Variants in ZBTB7B observed in about 807,000 individuals in gnomAD.
ZBTB7B encodes zinc finger and BTB domain containing 7B, also known as zinc finger and BTB domain-containing protein 7B.
ZBTB7B carries 8 observed loss-of-function variants against 31.0 expected under a neutral mutation model. The observed-to-expected ratio is 0.26, with a 90% CI of 0.15 to 0.47. ZBTB7B has a LOEUF of 0.47. Ranked by LOEUF, ZBTB7B falls within the 20% of genes least tolerant of loss-of-function variation. The pLI, the probability that ZBTB7B is intolerant of heterozygous loss-of-function variation, is 0.99. For missense variants in ZBTB7B, 494 were observed against 742.4 expected, an observed-to-expected ratio of 0.67 and a Z score of 3.89; for synonymous variants, 261 against 307.3, an observed-to-expected ratio of 0.85 and a Z score of 1.58.
Position 155,015,424 on chromosome 1 carries a change from G to A in ZBTB7B, c.764G>A (p.Ser255Asn). The A allele has an allele frequency of 6.4e-7, 1 of 1,572,738 alleles. No individual in the cohort carries two copies. Among genetic ancestry groups the A allele is most frequent in the Non-Finnish European group, 8.6e-7 (1 of 1,157,568 alleles). Residue 255 changes from serine to asparagine, a missense_variant, in exon 2 of 3, where the codon AGC (serine) becomes AAC (asparagine). Ser to Asn is a conservative substitution (Grantham distance 46). This residue lies in a region of ZBTB7B where 216 missense variants were observed against 229.3 expected (regional missense o/e 0.94). Transcript: ENST00000535420. ...GGCAGTGGGCCGGGGGACAGCTACA[G>A]CCCTCCCACAGGAACTGCCTCCCCT... ...SGGSGPGDSY[S>N]PPTGTASPPE...
upstream of ZBTB7B, among the ~76,000 whole-genome samples, chr1:155,002,158 C>T (rs148671961): frequency 5.3e-4 from 81 of 152,204 alleles, no homozygotes; most frequent in African/African-American, 1.9e-3. Context: ...TCGGCTCCGC[C>T]CCCTCCCTGG....
intron 1 of ZBTB7B, among the ~76,000 whole-genome samples, chr1:155,011,754 G>T (rs1425042360): frequency 6.6e-6 from 1 of 152,244 alleles, no homozygotes; most frequent in African/African-American, 2.4e-5. Context: ...GGCGTCAGGG[G>T]ACTGGGCCCT....
At chr1:155,010,023 G>A (rs1014562222) in intron 1 of ZBTB7B, among the ~76,000 whole-genome samples, 7 of 152,106 alleles carry the variant, frequency 4.6e-5, no homozygotes, top group Non-Finnish European at 8.8e-5. Context: ...AGGGTCGGAG[G>A]AGGCAATGAG....
At chr1:155,006,527 G>T (rs1437018486) in intron 1 of ZBTB7B, among the ~76,000 whole-genome samples, 3 of 152,134 alleles carry the variant, frequency 2.0e-5, no homozygotes, top group Non-Finnish European at 4.4e-5. Flanking sequence ...GGCAAAAGAG[G>T]GCTGATGGCA....
At chr1:155,006,020 G>A (rs1377852570) in intron 1 of ZBTB7B, among the ~76,000 whole-genome samples, 1 of 152,184 alleles carries the variant, frequency 6.6e-6, no homozygotes, top group Non-Finnish European at 1.5e-5. Context: ...AGTCTTGGCT[G>A]GGGCCTGCCA....
intron 1 of ZBTB7B, among the ~76,000 whole-genome samples, chr1:155,014,290 A>G (rs998892160): frequency 6.6e-6 from 1 of 152,198 alleles, no homozygotes; most frequent in Non-Finnish European, 1.5e-5. Context: ...GAGATGGGGA[A>G]TGGGGCAGGT....
rs1558083650 is a variant in ZBTB7B at position 155,004,513 on chromosome 1, C to T, written c.-7+1570C>T. ...CACACACACCAACTGGTTTGGTCACCCCTGTACCCGCCTGGCACTGCTGGG... is the reference window on the plus strand; with the variant it reads ...CACACACACCAACTGGTTTGGTCACTCCTGTACCCGCCTGGCACTGCTGGG... On this transcript the variant is annotated intron_variant, in intron 1 of 2. Coordinates refer to ENST00000535420, the MANE Select transcript of ZBTB7B (RefSeq NM_001256455.2). This position sits in a 1 kb window ranked among gnomAD's most constrained non-coding sequence, Gnocchi z 4.0. Among the ~76,000 whole-genome samples the T allele has an allele frequency of 6.6e-6, 1 of 152,080 alleles. No homozygotes were observed. Among genetic ancestry groups the T allele is most frequent in the African/African-American group, 2.4e-5 (1 of 41,392 alleles).
chr1:155,014,438 G>C (rs1256512876), intron 1 of ZBTB7B: 1 of 592,500 alleles, frequency 1.7e-6, no homozygotes, highest in South Asian at 2.2e-5. Flanking sequence ...ACTTAACTTG[G>C]AAAATCACTT....
At position 155,004,878 on chromosome 1, in the gene ZBTB7B, A is replaced by T. The variant is rs1658466351; in HGVS notation, c.-7+1935A>T. On this transcript the variant is annotated intron_variant, in intron 1 of 2. Transcript: ENST00000535420. The surrounding 1 kb of genome is among the most constrained non-coding windows in gnomAD (Gnocchi z 4.0). ...ACCCCCAGCCCTGGCACAGGGGTCA[A>T]AAAGGGGTTAATACCACCAGAATGG... 1.3e-5 allele frequency among the ~76,000 whole-genome samples: 2 copies of T among 152,142 alleles called. No homozygotes were observed. The highest frequency in any genetic ancestry group is 4.1e-4 in the South Asian group (2 of 4,826).
At chr1:155,007,029 G>A (rs1057148555) in intron 1 of ZBTB7B, among the ~76,000 whole-genome samples, 1 of 152,246 alleles carries the variant, frequency 6.6e-6, no homozygotes. Context: ...GGGAGTTGTA[G>A]TCCTTGAGCT....
chr1:155,006,484 C>T (rs564613663), intron 1 of ZBTB7B, among the ~76,000 whole-genome samples: 2 of 152,290 alleles, frequency 1.3e-5, no homozygotes, highest in East Asian at 3.9e-4. Context: ...TCAGCAAATA[C>T]CTGTGCCAGA....
chr1:155,003,865 A>G lies in ZBTB7B; in HGVS notation c.-7+922A>G, dbSNP rs1436509868. Among the ~76,000 whole-genome samples the G allele has an allele frequency of 6.6e-6, 1 of 151,186 alleles. No individual in the cohort carries two copies. The highest frequency in any genetic ancestry group is 6.6e-5 in the Admixed American group (1 of 15,242). On this transcript the variant is annotated intron_variant, in intron 1 of 2. Coordinates refer to ENST00000535420, the MANE Select transcript of ZBTB7B (RefSeq NM_001256455.2). The surrounding 1 kb of genome is among the most constrained non-coding windows in gnomAD (Gnocchi z 5.8). ...CCTCCCACCCCATCCCAAGTAAGAG[A>G]GCGACGTGTCCCGGCCAGAGCGAGG...
intron 1 of ZBTB7B, 183 bp from the exon 2 acceptor site, chr1:155,014,471 CT>C (rs1204891519): frequency 2.1e-5 from 13 of 628,860 alleles, no homozygotes; most frequent in Admixed American, 1.8e-4. Context: ...CCTCAGTTTC[CT>C]TGTCTGTGAA....
chr1:155,015,557 C>T lies in ZBTB7B; in HGVS notation c.897C>T (p.Ser299=), dbSNP rs1262458470. 1 of 1,613,728 alleles carries T rather than the reference C, an allele frequency of 6.2e-7. No homozygotes were observed. Among genetic ancestry groups the T allele is most frequent in the Non-Finnish European group, 8.5e-7 (1 of 1,179,986 alleles). ...GLAQGGGPPL[S]PEELGSDEDA... ...CGCAGGGTGGCGGGCCCCCGCTGTCCCCAGAGGAGCTGGGCTCAGATGAGG... is the reference window on the plus strand; with the variant it reads ...CGCAGGGTGGCGGGCCCCCGCTGTCTCCAGAGGAGCTGGGCTCAGATGAGG... Residue 299 remains serine (S), a synonymous_variant, in exon 2 of 3, where the codon TCC becomes TCT. Coordinates refer to ENST00000535420, the MANE Select transcript of ZBTB7B (RefSeq NM_001256455.2).
upstream of ZBTB7B, among the ~76,000 whole-genome samples, chr1:155,002,366 G>A (rs1201401187): frequency 2.0e-5 from 3 of 149,676 alleles, no homozygotes; most frequent in Non-Finnish European, 4.5e-5. Context: ...CAGGTGAAGG[G>A]AGACAGAGAG....
intron 1 of ZBTB7B, among the ~76,000 whole-genome samples, chr1:155,012,069 A>G (rs898126732): frequency 6.6e-6 from 1 of 152,118 alleles, no homozygotes; most frequent in Non-Finnish European, 1.5e-5. Flanking sequence ...CCTCTTGGCC[A>G]TGGGCATTGG....
intron 1 of ZBTB7B, among the ~76,000 whole-genome samples, chr1:155,009,600 C>T (rs1248145745): frequency 2.0e-5 from 3 of 152,022 alleles, no homozygotes; most frequent in African/African-American, 7.3e-5. Context: ...AGGTTGTCCC[C>T]CCACCCCCAC....
In ZBTB7B at chr1:155,016,450, G is replaced by A. The variant is rs369874301; in HGVS notation, c.1385G>A (p.Arg462His). The A allele has an allele frequency of 1.5e-5, 24 of 1,613,902 alleles. No homozygotes were observed. Among genetic ancestry groups the A allele is most frequent in the African/African-American group, 5.3e-5 (4 of 74,902 alleles). The change falls in exon 3 of 3, where the codon CGC (arginine) becomes CAC (histidine). Residue 462 changes from arginine to histidine, a missense_variant. This residue lies in a region of ZBTB7B where 101 missense variants were observed against 119.5 expected (regional missense o/e 0.85). Transcript: ENST00000535420. This position sits in a 1 kb window ranked among gnomAD's most constrained non-coding sequence, Gnocchi z 4.3. ...QNCLEVRTRR[R>H]RKDDAPPHYP... is the part of the protein sequence containing the mutation. ...TGCCTGGAGGTGCGCACCCGACGGCGCCGCAAGGACGATGCACCACCCCAC... is the reference window on the plus strand; with the variant it reads ...TGCCTGGAGGTGCGCACCCGACGGCACCGCAAGGACGATGCACCACCCCAC...
intron 1 of ZBTB7B, chr1:155,010,838 A>G: frequency 8.3e-7 from 1 of 1,203,388 alleles, no homozygotes; most frequent in South Asian, 1.3e-5. Context: ...AAGGAGACAG[A>G]AGTAAGGGGG....
Sources: allele counts gnomAD v4.1 joint callset (sites outside exome capture counted in the v4.1 genomes callset), GRCh38; gene constraint gnomAD v4.1.1; regional missense constraint gnomAD v4.1.1; non-coding constraint Gnocchi (gnomAD v3.1); transcripts MANE v1.5; gene names NCBI Gene and HGNC (gene_info 2026-07-23, HGNC 2026-07-21).